The following CSRP1 variants were observed in gnomAD, a reference collection of about 807,000 sequenced individuals.
CSRP1 encodes the protein cysteine and glycine-rich protein 1.
In CSRP1, 16 loss-of-function variants were observed where a neutral mutation model predicts 25.4. The observed-to-expected ratio is 0.63, with a 90% CI of 0.43 to 0.96. The LOEUF (loss-of-function observed/expected upper bound fraction) is 0.96. Among genes scored for constraint, CSRP1 ranks in the 40% least tolerant of loss-of-function variants. The pLI is 0.00. For synonymous variants in CSRP1, 97 were observed against 95.3 expected (o/e 1.02, Z -0.10); for missense variants, 212 against 243.6 (o/e 0.87, Z 0.86).
rs565400818 is a variant in CSRP1 at position 201,484,770 on chromosome 1, G to C, written c.525C>G (p.Phe175Leu). The change falls in exon 6 of 6, where the codon TTC (phenylalanine) becomes TTG (leucine). Residue 175 changes from phenylalanine (F) to leucine (L), a missense_variant. Phe to Leu is a conservative substitution (Grantham distance 22). Transcript: ENST00000340006. ...GCCCAAAACCAAAGCCCTTGGGCCC[G>C]AAGTTTTTAGCATAACATCCTGCAG... ...IYCKGCYAKNFGPKGFGFGQG... is the reference protein window; with the variant it reads ...IYCKGCYAKNLGPKGFGFGQG... The C allele has an allele frequency of 1.2e-6, 2 of 1,611,716 alleles. No homozygotes were observed. The highest frequency in any genetic ancestry group is 2.2e-5 in the East Asian group (1 of 44,824).
rs754010996 is a variant in CSRP1, at chr1:201,496,035, C to T, written c.112+157G>A. 545 of 625,576 alleles carry T rather than the reference C, an allele frequency of 8.7e-4. 3 individuals carry two copies. The highest frequency in any genetic ancestry group is 5.8e-4 in the South Asian group (30 of 52,136). 38.8% of individuals were successfully genotyped at this position (625,576 alleles called of 1,614,324 possible). On this transcript the variant is annotated intron_variant, in intron 2 of 5. Transcript: ENST00000340006. ...AAGCTTCTGAACGGAACAAAGAGGCCCTGAAGTGTTTCCCTGCCCAGCTGC... is the reference window on the plus strand; with the variant it reads ...AAGCTTCTGAACGGAACAAAGAGGCTCTGAAGTGTTTCCCTGCCCAGCTGC...
chr1:201,486,909 A>T (rs1344585783), intron 4 of CSRP1: 1 of 1,261,730 alleles, frequency 7.9e-7, no homozygotes, highest in Non-Finnish European at 1.0e-6. Flanking sequence ...TTCTATTCTC[A>T]TAATGAGATA....
intron 3 of CSRP1, 191 bp from the exon 4 acceptor site, chr1:201,489,175 T>C (rs752718363): frequency 3.5e-6 from 2 of 577,728 alleles, no homozygotes; most frequent in South Asian, 2.4e-5. Context: ...CTCAGCACAA[T>C]GTTATTTCCA....
Position 201,483,747 on chromosome 1 carries a change from T to C in CSRP1, c.*966A>G. 4.9e-6 allele frequency: 2 copies of C among 408,430 alleles called. No homozygotes were observed. Among genetic ancestry groups the C allele is most frequent in the South Asian group, 9.7e-5 (2 of 20,576 alleles). 25.3% of individuals were successfully genotyped at this position (408,430 alleles called of 1,614,324 possible). A position where few individuals can be genotyped will look rare whatever the true frequency, so the allele number is the denominator to read the frequency against. ...TAAGGGTCCCTGGAGAAGGGTGGAG[T>C]GGAAGAGGCAGGGTCTTGGGTTAAA... is the stretch of plus-strand genomic sequence containing the variant. On this transcript the variant is annotated 3_prime_UTR_variant, in exon 6 of 6. Coordinates refer to ENST00000340006, the MANE Select transcript of CSRP1 (RefSeq NM_004078.3).
chr1:201,505,950 G>A (rs1664811951), intron 1 of CSRP1, among the ~76,000 whole-genome samples: 4 of 152,224 alleles, frequency 2.6e-5, no homozygotes, highest in Non-Finnish European at 5.9e-5. Context: ...GGGATGAGGG[G>A]AGGACAAGAA....
rs549010241 is a variant in CSRP1, at chr1:201,491,306, T to C, written c.113-962A>G. The C allele has an allele frequency of 7.2e-5, 11 of 152,184 alleles. No individual in the cohort carries two copies. The South Asian group carries it at 2.1e-3, about 29-fold the overall frequency. 9.4% of individuals were successfully genotyped at this position (152,184 alleles called of 1,614,324 possible). Reference sequence around the variant, plus strand: ...AATAAATAAATAAAACTTTTAAAAATAAAAATAAAGTTAAAGCAGTTCAGA... The same window carrying C: ...AATAAATAAATAAAACTTTTAAAAACAAAAATAAAGTTAAAGCAGTTCAGA... On this transcript the variant is annotated intron_variant, in intron 2 of 5. Transcript: ENST00000340006.
chr1:201,495,633 G>A (rs1387320858), intron 2 of CSRP1: 2 of 152,144 alleles, frequency 1.3e-5, no homozygotes, highest in East Asian at 1.9e-4. Flanking sequence ...TATGACTGGA[G>A]CAAACCTTGC....
intron 4 of CSRP1, chr1:201,486,703 T>G (rs1571773186): frequency 1.9e-6 from 2 of 1,044,080 alleles, no homozygotes; most frequent in East Asian, 2.0e-4. Context: ...GCTGAATCCC[T>G]TTGCTCATTC....
chr1:201,499,973 C>T (rs1324135505), intron 1 of CSRP1, among the ~76,000 whole-genome samples: 1 of 152,130 alleles, frequency 6.6e-6, no homozygotes, highest in Non-Finnish European at 1.5e-5. Context: ...GTATGCCCAC[C>T]TTACAGACAA....
At chr1:201,501,100 A>G (rs902015807) in intron 1 of CSRP1, among the ~76,000 whole-genome samples, 2 of 151,906 alleles carry the variant, frequency 1.3e-5, no homozygotes, top group Non-Finnish European at 2.9e-5. Context: ...CCGTATATGG[A>G]CTCCCTAAAA....
intron 3 of CSRP1, 37 bp downstream of exon 3, chr1:201,490,139 G>A: frequency 6.3e-7 from 1 of 1,592,114 alleles, no homozygotes; most frequent in Non-Finnish European, 8.6e-7. Context: ...GGGGGAGAGA[G>A]CTCAAGAAAA....
At chr1:201,499,903 T>C (rs1474633601) in intron 1 of CSRP1, among the ~76,000 whole-genome samples, 1 of 152,190 alleles carries the variant, frequency 6.6e-6, no homozygotes, top group African/African-American at 2.4e-5. Flanking sequence ...ATTATAGGCA[T>C]GAGTCACTGC....
chr1:201,485,393 A>G lies in CSRP1; in HGVS notation c.412-17T>C. The G allele has an allele frequency of 6.2e-7, 1 of 1,611,662 alleles. No individual in the cohort carries two copies. Among genetic ancestry groups the G allele is most frequent in the Middle Eastern group, 1.7e-4 (1 of 6,040 alleles). On this transcript the variant is annotated splice_polypyrimidine_tract_variant and intron_variant, in intron 4 of 5. Coordinates refer to ENST00000340006, the MANE Select transcript of CSRP1 (RefSeq NM_004078.3). ...ATGCCAGGACTAGGCAGGGAAGGAA[A>G]TAGTTAATGGCTGCCACCAGTGATG... is the stretch of plus-strand genomic sequence containing the variant.
intron 1 of CSRP1, among the ~76,000 whole-genome samples, chr1:201,504,600 C>T (rs1375135115): frequency 6.6e-6 from 1 of 152,142 alleles, no homozygotes; most frequent in African/African-American, 2.4e-5. Context: ...ACTTTAACAA[C>T]CTGCCAGAAA....
In CSRP1 at chr1:201,483,758, G is replaced by A. The variant is rs1267456686; in HGVS notation, c.*955C>T. The A allele has an allele frequency of 6.7e-6, 3 of 444,556 alleles. No homozygotes were observed. Among genetic ancestry groups the A allele is most frequent in the Non-Finnish European group, 1.2e-5 (3 of 242,868 alleles). The allele number at this position is 444,556 out of a possible 1,614,324, so 27.5% of individuals were successfully genotyped here. A position where few individuals can be genotyped will look rare whatever the true frequency, so the allele number is the denominator to read the frequency against. ...GGAGAAGGGTGGAGTGGAAGAGGCA[G>A]GGTCTTGGGTTAAAGGGAAGATTCT... On this transcript the variant is annotated 3_prime_UTR_variant, in exon 6 of 6. Transcript: ENST00000340006.
intron 1 of CSRP1, among the ~76,000 whole-genome samples, chr1:201,501,000 G>A (rs898886720): frequency 6.6e-5 from 10 of 152,204 alleles, no homozygotes; most frequent in African/African-American, 2.4e-4. Context: ...GCTGGGATTC[G>A]ATCAATATGG....
At chr1:201,485,224 ACTT>A (rs1664095280) in intron 5 of CSRP1, 56 bp downstream of exon 5, 2 of 1,476,910 alleles carry the variant, frequency 1.4e-6, no homozygotes, top group Non-Finnish European at 1.9e-6. Flanking sequence ...AGGCAAAACT[ACTT>A]AGCCCCCCTA....
At chr1:201,502,296 C>T (rs1004528527) in intron 1 of CSRP1, among the ~76,000 whole-genome samples, 2 of 152,364 alleles carry the variant, frequency 1.3e-5, no homozygotes, top group South Asian at 2.1e-4. Context: ...AGCTCCCTCG[C>T]ATTAGCTGAG....
intron 1 of CSRP1, among the ~76,000 whole-genome samples, chr1:201,501,942 C>T (rs1256925): frequency 0.091 from 13,849 of 151,652 alleles, 751 homozygotes; most frequent in African/African-American, 0.16. Flanking sequence ...CAGTGAGCAG[C>T]GATCTTGCCA....
Sources: gnomAD v4.1 joint callset for allele counts (sites outside exome capture counted in the v4.1 genomes callset) on GRCh38, gnomAD v4.1.1 for gene constraint, MANE v1.5 for transcripts, NCBI Gene and HGNC (gene_info 2026-07-23, HGNC 2026-07-21) for gene names.